Variants in PCDH15 observed in about 807,000 individuals in gnomAD.
The protein encoded by PCDH15 is protocadherin-15.
In PCDH15, 129 loss-of-function variants were observed where a neutral mutation model predicts 178.5. The ratio of observed to expected loss-of-function variants is 0.72; its 90% confidence interval spans 0.63 to 0.84. The LOEUF is 0.84. PCDH15 is among the 40% of genes least tolerant of loss of function. The probability of loss-of-function intolerance (pLI) is 0.00; values close to 1 mark genes in which losing one functional copy is unlikely to be tolerated. For missense variants in PCDH15, 2,230 were observed against 2,099.9 expected (o/e 1.06, Z -1.21); for synonymous variants, 800 against 732.0 (o/e 1.09, Z -1.50).
intron 2 of PCDH15, among the ~76,000 whole-genome samples, chr10:54,627,022 A>C (rs1711917281): frequency 6.6e-6 from 1 of 152,194 alleles, no homozygotes; most frequent in Admixed American, 6.5e-5. Context: ...TTTCCAACTT[A>C]CATGGGGCCT....
chr10:54,113,513 G>C (rs988019677), intron 15 of PCDH15, among the ~76,000 whole-genome samples: 1 of 152,016 alleles, frequency 6.6e-6, no homozygotes, highest in African/African-American at 2.4e-5. Context: ...TTGTTAATTT[G>C]TACCGTGTCC....
chr10:54,242,176 A>G (rs2055445426), intron 8 of PCDH15, among the ~76,000 whole-genome samples: 2 of 114,222 alleles, frequency 1.8e-5, no homozygotes, highest in African/African-American at 7.8e-5. Context: ...ATATATATAT[A>G]TATATATATA....
chr10:55,501,981 A>T (rs1840666885), intron 2 of PCDH15, among the ~76,000 whole-genome samples: 1 of 151,638 alleles, frequency 6.6e-6, no homozygotes, highest in Non-Finnish European at 1.5e-5. Context: ...TTTTTTTCTT[A>T]TGTAATTTCT....
At chr10:54,006,960 C>G (rs1298868443) in intron 20 of PCDH15, among the ~76,000 whole-genome samples, 2 of 152,194 alleles carry the variant, frequency 1.3e-5, no homozygotes, top group African/African-American at 4.8e-5. Flanking sequence ...ATGTCTCCCT[C>G]TCTCCTACTC....
At chr10:53,873,941 C>G (rs2080044394) in intron 26 of PCDH15, among the ~76,000 whole-genome samples, 1 of 152,114 alleles carries the variant, frequency 6.6e-6, no homozygotes, top group African/African-American at 2.4e-5. Context: ...ACCAGGACGG[C>G]CTCGCTAGGC....
At chr10:55,467,356 G>T (rs899187119) in intron 2 of PCDH15, among the ~76,000 whole-genome samples, 1 of 143,976 alleles carries the variant, frequency 6.9e-6, no homozygotes, top group Non-Finnish European at 1.5e-5. Context: ...GAAAAGAAAA[G>T]CCTGATCTTG....
intron 3 of PCDH15, among the ~76,000 whole-genome samples, chr10:54,859,737 AG>A (rs1953807584): frequency 1.3e-5 from 2 of 151,092 alleles, no homozygotes; most frequent in Admixed American, 1.3e-4. Context: ...AATTTGTTTC[AG>A]GTTCACATAA....
chr10:54,022,636 A>T (rs1280306439), intron 19 of PCDH15, among the ~76,000 whole-genome samples: 1 of 152,128 alleles, frequency 6.6e-6, no homozygotes, highest in African/African-American at 2.4e-5. Flanking sequence ...AAATTAAAAA[A>T]CTATTAAAAA....
At chr10:54,331,196 T>G (rs1801530760) in intron 6 of PCDH15, among the ~76,000 whole-genome samples, 1 of 151,682 alleles carries the variant, frequency 6.6e-6, no homozygotes, top group Non-Finnish European at 1.5e-5. Context: ...ATCTCTCAGC[T>G]CAGGCTCAAT....
chr10:55,114,396 C>A (rs1837580868), intron 2 of PCDH15, among the ~76,000 whole-genome samples: 1 of 152,158 alleles, frequency 6.6e-6, no homozygotes, highest in South Asian at 2.1e-4. Context: ...TTACAATATA[C>A]CTATACTTCC....
chr10:54,743,717 C>T (rs2050545), intron 1 of PCDH15, among the ~76,000 whole-genome samples: 130,116 of 151,884 alleles, frequency 0.86, 56,437 homozygotes, highest in Non-Finnish European at 0.93. Context: ...ACATGACATA[C>T]ACTGTGCTCC....
chr10:54,002,104 C>T (rs992084898), intron 20 of PCDH15, among the ~76,000 whole-genome samples: 8 of 148,358 alleles, frequency 5.4e-5, no homozygotes, highest in Admixed American at 4.0e-4. Context: ...CATGTGTATA[C>T]ATACATATGT....
intron 2 of PCDH15, among the ~76,000 whole-genome samples, chr10:54,944,751 G>A (rs1838152010): frequency 6.6e-6 from 1 of 151,906 alleles, no homozygotes; most frequent in South Asian, 2.1e-4. Context: ...TACGATATGT[G>A]AGACTAAGGT....
At chr10:55,083,404 T>C (rs1239665908) in intron 2 of PCDH15, among the ~76,000 whole-genome samples, 1 of 151,824 alleles carries the variant, frequency 6.6e-6, no homozygotes, top group African/African-American at 2.4e-5. Flanking sequence ...AGAAAGAATG[T>C]ACCTCAATAC....
At chr10:53,848,524 T>C (rs2078128349) in intron 28 of PCDH15, among the ~76,000 whole-genome samples, 1 of 152,064 alleles carries the variant, frequency 6.6e-6, no homozygotes, top group Admixed American at 6.5e-5. Flanking sequence ...TCTTTGCTTT[T>C]CTTCCTAATT....
intron 2 of PCDH15, among the ~76,000 whole-genome samples, chr10:54,614,914 T>C (rs1312131721): frequency 1.3e-5 from 2 of 152,088 alleles, no homozygotes; most frequent in East Asian, 3.9e-4. Context: ...AGAATTGCAT[T>C]TGTCAAATGG....
intron 5 of PCDH15, among the ~76,000 whole-genome samples, chr10:54,364,958 A>T (rs1358392410): frequency 6.6e-6 from 1 of 152,052 alleles, no homozygotes; most frequent in Non-Finnish European, 1.5e-5. Flanking sequence ...AACCAGCAAT[A>T]GTGGCTAAGT....
At chr10:54,223,057 A>G (rs955157190) in intron 9 of PCDH15, among the ~76,000 whole-genome samples, 3 of 152,164 alleles carry the variant, frequency 2.0e-5, no homozygotes, top group South Asian at 2.1e-4. Flanking sequence ...CACGCCTGTT[A>G]TCCCAGCACT....
At chr10:54,303,545 A>G (rs1421762649) in intron 8 of PCDH15, among the ~76,000 whole-genome samples, 1 of 152,138 alleles carries the variant, frequency 6.6e-6, no homozygotes, top group South Asian at 2.1e-4. Flanking sequence ...AATGCAACTG[A>G]AAGTCATATC....
Sources: gnomAD v4.1 joint callset for allele counts (sites outside exome capture counted in the v4.1 genomes callset) on GRCh38, gnomAD v4.1.1 for gene constraint, MANE v1.5 for transcripts, NCBI Gene and HGNC (gene_info 2026-07-23, HGNC 2026-07-21) for gene names.